ANK3: variants seen among roughly 807,000 people sequenced by gnomAD.
ANK3 encodes ankyrin 3.
A neutral mutation model predicts 370.9 loss-of-function variants in ANK3; 57 were observed. That is an observed-to-expected ratio of 0.15 (90% CI 0.12 to 0.19). The LOEUF (loss-of-function observed/expected upper bound fraction) is 0.19, where lower values mean the gene tolerates loss of function less well. ANK3 is among the 10% of genes least tolerant of loss of function. The pLI is 1.00. For missense variants in ANK3, 4,439 were observed against 5,302.1 expected (o/e 0.84, Z 5.06); for synonymous variants, 1,929 against 1,946.3 (o/e 0.99, Z 0.23).
intron 2 of ANK3, among the ~76,000 whole-genome samples, chr10:60,450,045 C>A (rs2064556559): frequency 6.6e-6 from 1 of 152,090 alleles, no homozygotes; most frequent in Non-Finnish European, 1.5e-5. Context: ...TGCTTATAAT[C>A]CTAGACTTTG....
intron 1 of ANK3, among the ~76,000 whole-genome samples, chr10:60,315,440 T>C (rs2047206198): frequency 2.0e-5 from 3 of 152,096 alleles, no homozygotes; most frequent in Non-Finnish European, 1.5e-5. Flanking sequence ...CAAGAAGAAG[T>C]TGGGCATAGA....
rs2082527916 is a variant in ANK3 at position 60,070,749 on chromosome 10, G to T, written c.10132C>A (p.Pro3378Thr). The T allele has an allele frequency of 6.2e-7, 1 of 1,614,182 alleles. No individual in the cohort carries two copies. Among genetic ancestry groups the T allele is most frequent in the Admixed American group, 1.7e-5 (1 of 60,014 alleles). ...CCATTCTGGGCAATTTCATTCTGAGGTGAATCAAGGCCAAGGCCAAATTCA... is the reference window on the plus strand; with the variant it reads ...CCATTCTGGGCAATTTCATTCTGAGTTGAATCAAGGCCAAGGCCAAATTCA... ...DNEFGLGLDS[P>T]QNEIAQNGNN... is the part of the protein sequence containing the mutation. The change falls in exon 37 of 44, where the codon CCT becomes ACT. Residue 3378 changes from proline to threonine, a missense_variant. Physicochemically the swap from Pro to Thr is conservative, Grantham distance 38 (BLOSUM62 -1). Transcript: ENST00000280772. The surrounding 1 kb of genome is among the most constrained non-coding windows in gnomAD (Gnocchi z 5.7).
chr10:60,696,781 C>A (rs1252618000), intron 1 of ANK3, among the ~76,000 whole-genome samples: 2 of 144,936 alleles, frequency 1.4e-5, no homozygotes, highest in Middle Eastern at 3.6e-3. Flanking sequence ...CTATGACAAA[C>A]CCACAGCCAA....
intron 2 of ANK3, among the ~76,000 whole-genome samples, chr10:60,436,195 A>G (rs1329102363): frequency 6.6e-6 from 1 of 152,198 alleles, no homozygotes; most frequent in East Asian, 1.9e-4. Flanking sequence ...GTATGGATAT[A>G]TTATGTTTCT....
chr10:60,378,279 T>A (rs1245946752), intron 1 of ANK3, among the ~76,000 whole-genome samples: 1 of 152,218 alleles, frequency 6.6e-6, no homozygotes, highest in Non-Finnish European at 1.5e-5. Context: ...ATTTCTCATC[T>A]AAACTCTAAA....
At position 60,085,484 on chromosome 10, in the gene ANK3, G is replaced by GT. The variant is rs1173425720; in HGVS notation, c.3749-232dup. Among the ~76,000 whole-genome samples, 3 of 151,884 alleles carry GT rather than the reference G, an allele frequency of 2.0e-5. No homozygotes were observed. In the East Asian group the frequency reaches 5.8e-4, roughly 29 times the overall value. On this transcript the variant is annotated intron_variant, in intron 30 of 43. Transcript: ENST00000280772. ...ATATTAAATTAAAAAAAAATTCCTT[G>GT]TTTTTTGTCTGGGTACTAATGAATG...
intron 1 of ANK3, among the ~76,000 whole-genome samples, chr10:60,341,837 G>T (rs1355773089): frequency 6.6e-6 from 1 of 152,060 alleles, no homozygotes; most frequent in African/African-American, 2.4e-5. Context: ...CCACGATAGG[G>T]TTAATTCACA....
At position 60,205,800 on chromosome 10, in the gene ANK3, C is replaced by T; in HGVS notation, c.1285G>A (p.Val429Ile). 1 of 1,612,230 alleles carries T rather than the reference C, an allele frequency of 6.2e-7. No homozygotes were observed. Among genetic ancestry groups the T allele is most frequent in the Admixed American group, 1.7e-5 (1 of 60,016 alleles). Residue 429 changes from valine to isoleucine, a missense_variant, in exon 11 of 44, where the codon GTA becomes ATA. Val to Ile is a conservative substitution (Grantham distance 29). This residue lies in a region of ANK3 where 227 missense variants were observed against 377.6 expected (regional missense o/e 0.60). Coordinates refer to ENST00000280772, the MANE Select transcript of ANK3 (RefSeq NM_020987.5). ...ATCTTAACTCTTCTCACCTCGGTTA[C>T]AGCTTGGATGGATGCACCGTGTTTC... ...LLKHGASIQA[V>I]TESGLTPIHV...
intron 7 of ANK3, among the ~76,000 whole-genome samples, chr10:60,258,821 T>C (rs1486017558): frequency 1.3e-5 from 2 of 152,168 alleles, no homozygotes; most frequent in African/African-American, 2.4e-5. Context: ...TACTGTATTT[T>C]GTCACAGGCA....
chr10:60,229,820 A>G (rs2097213773), intron 8 of ANK3, among the ~76,000 whole-genome samples: 1 of 152,206 alleles, frequency 6.6e-6, no homozygotes, highest in Non-Finnish European at 1.5e-5. Context: ...GGCATTTAAT[A>G]TGCACCAGGA....
chr10:60,242,827 T>C (rs771055651), intron 7 of ANK3, among the ~76,000 whole-genome samples: 1 of 152,192 alleles, frequency 6.6e-6, no homozygotes, highest in Non-Finnish European at 1.5e-5. Context: ...TCGAATGTTT[T>C]TCTTTATTTT....
intron 42 of ANK3, among the ~76,000 whole-genome samples, chr10:60,054,122 A>G (rs1055076791): frequency 6.6e-6 from 1 of 152,230 alleles, no homozygotes; most frequent in African/African-American, 2.4e-5. Flanking sequence ...ATGCACATGT[A>G]CACACACAGC....
intron 12 of ANK3, among the ~76,000 whole-genome samples, chr10:60,201,721 T>C (rs74436654): frequency 4.4e-5 from 5 of 113,522 alleles, no homozygotes; most frequent in Admixed American, 9.5e-5. Context: ...TTTTTTTTTT[T>C]TTTTTTTTGA....
intron 4 of ANK3, among the ~76,000 whole-genome samples, chr10:60,274,599 C>T (rs2098056713): frequency 6.6e-6 from 1 of 152,010 alleles, no homozygotes; most frequent in South Asian, 2.1e-4. Context: ...CTTGATTCTC[C>T]CTCTCCAGTC....
rs12254716 is a variant in ANK3 at position 60,518,292 on chromosome 10, T to C, written c.96+96894A>G. The stretch of plus-strand genomic sequence containing the variant: ...TGTCAAAAGAGAAAAAATAGCAAGC[T>C]CCTACTTCCCGGCAGATGAGATGCT... On this transcript the variant is annotated intron_variant, in intron 2 of 43. Transcript: ENST00000373827. 2.7e-3 allele frequency among the ~76,000 whole-genome samples: 410 copies of C among 152,120 alleles called. 4 individuals carry two copies. The highest frequency in any genetic ancestry group is 9.6e-3 in the African/African-American group (398 of 41,512).
intron 1 of ANK3, among the ~76,000 whole-genome samples, chr10:60,704,460 C>A (rs760168627): frequency 6.6e-5 from 10 of 150,700 alleles, no homozygotes; most frequent in Non-Finnish European, 1.2e-4. Context: ...TGTAATTACA[C>A]AAAAAAACAA....
At chr10:60,518,298 T>C (rs548364428) in intron 2 of ANK3, among the ~76,000 whole-genome samples, 5 of 152,130 alleles carry the variant, frequency 3.3e-5, no homozygotes, top group Non-Finnish European at 7.4e-5. Context: ...AAGCTCCTAC[T>C]TCCCGGCAGA....
Position 60,511,639 on chromosome 10 carries a change from TG to T in ANK3, c.96+103546del, listed in dbSNP as rs1456732945. 3.3e-5 allele frequency among the ~76,000 whole-genome samples: 5 copies of T among 152,252 alleles called. No homozygotes were observed. In the South Asian group the frequency reaches 1.0e-3, roughly 32 times the overall value. Reference sequence around the variant, plus strand: ...CAAAGCATTCACAGATGACTGCAAGTGGCCTCCAGCCTCTTATGACACACAT... The same window carrying T: ...CAAAGCATTCACAGATGACTGCAAGTGCCTCCAGCCTCTTATGACACACAT... On this transcript the variant is annotated intron_variant, in intron 2 of 43. Transcript: ENST00000373827.
chr10:60,141,588 C>CTTTTTTTTTTTTTT (rs1266607487), intron 23 of ANK3, among the ~76,000 whole-genome samples: 14 of 24,872 alleles, frequency 5.6e-4, no homozygotes, highest in African/African-American at 2.6e-3. Flanking sequence ...TTTTTTTTTG[C>CTTTTTTTTTTTTTT]TTCCCTCCAG....
Sources: allele counts gnomAD v4.1 joint callset (sites outside exome capture counted in the v4.1 genomes callset), GRCh38; gene constraint gnomAD v4.1.1; regional missense constraint gnomAD v4.1.1; non-coding constraint Gnocchi (gnomAD v3.1); transcripts MANE v1.5; gene names NCBI Gene and HGNC (gene_info 2026-07-23, HGNC 2026-07-21).